The following AP2A1 variants were observed in gnomAD, a reference collection of about 807,000 sequenced individuals.
AP2A1 encodes AP-2 complex subunit alpha-1.
Under a neutral mutation model 107.3 loss-of-function variants are expected in AP2A1, and 21 were observed. The observed-to-expected ratio is 0.20, with a 90% confidence interval of 0.14 to 0.28. The LOEUF (loss-of-function observed/expected upper bound fraction) is 0.28, where lower values mean the gene tolerates loss of function less well. Ranked by LOEUF, AP2A1 falls within the 10% of genes least tolerant of loss-of-function variation. The probability of loss-of-function intolerance (pLI) is 1.00; values close to 1 mark genes in which losing one functional copy is unlikely to be tolerated. For missense variants in AP2A1, 873 were observed against 1,307.7 expected (o/e 0.67, Z 5.13); for synonymous variants, 602 against 564.8 (o/e 1.07, Z -0.93).
At chr19:49,804,281 C>T (rs745774471) in intron 18 of AP2A1, 1 of 152,186 alleles carries the variant, frequency 6.6e-6, no homozygotes, top group African/African-American at 2.4e-5. Context: ...GTGGCTCACG[C>T]CTGTAATCCT....
At chr19:49,787,886 C>T (rs2073093469) in intron 4 of AP2A1, among the ~76,000 whole-genome samples, 1 of 152,156 alleles carries the variant, frequency 6.6e-6, no homozygotes, top group South Asian at 2.1e-4. Flanking sequence ...AGTAGGTGGC[C>T]TTCTGTGTCT....
At chr19:49,783,665 G>A (rs370744478) in intron 4 of AP2A1, among the ~76,000 whole-genome samples, 6 of 152,210 alleles carry the variant, frequency 3.9e-5, no homozygotes, top group East Asian at 1.9e-4. Flanking sequence ...CAGATGAGCC[G>A]CGTGCTGGAG....
At chr19:49,780,081 C>T (rs1042506575) in intron 1 of AP2A1, among the ~76,000 whole-genome samples, 4 of 152,238 alleles carry the variant, frequency 2.6e-5, no homozygotes, top group East Asian at 1.9e-4. Flanking sequence ...CTGGGGACTA[C>T]GCCCTGAAGG....
At chr19:49,786,705 C>T (rs2084741468) in intron 4 of AP2A1, among the ~76,000 whole-genome samples, 1 of 152,306 alleles carries the variant, frequency 6.6e-6, no homozygotes, top group Non-Finnish European at 1.5e-5. Context: ...GCAAATGCTG[C>T]CAGCAGTTTC....
Position 49,806,731 on chromosome 19 carries a change from G to A in AP2A1, c.2841G>A (p.Leu947=). Residue 947 remains leucine (L), a synonymous_variant, in exon 23 of 23, where the codon CTG becomes CTA. Coordinates refer to ENST00000354293, the MANE Select transcript of AP2A1 (RefSeq NM_130787.3). ...GCAAGGAGCCCGTCTCCCGTCACCT[G>A]TGTGAGCTGCTGGCACAGCAGTTCT... ...RTSKEPVSRH[L]CELLAQQF 1 of 1,613,718 alleles carries A rather than the reference G, an allele frequency of 6.2e-7. No individual in the cohort carries two copies. Among genetic ancestry groups the A allele is most frequent in the Non-Finnish European group, 8.5e-7 (1 of 1,179,874 alleles).
intron 1 of AP2A1, among the ~76,000 whole-genome samples, chr19:49,779,336 CAA>C (rs34194805): frequency 3.5e-3 from 278 of 79,450 alleles, no homozygotes; most frequent in East Asian, 0.013. Flanking sequence ...GACTCCGTCT[CAA>C]AAAAAAAAAA....
chr19:49,787,759 C>G (rs1469426917), intron 4 of AP2A1, among the ~76,000 whole-genome samples: 3 of 152,142 alleles, frequency 2.0e-5, no homozygotes, highest in Non-Finnish European at 4.4e-5. Context: ...AAAAAAGACT[C>G]TGTACCCATT....
At chr19:49,771,374 A>G (rs1003071018) in intron 1 of AP2A1, among the ~76,000 whole-genome samples, 4 of 151,684 alleles carry the variant, frequency 2.6e-5, no homozygotes, top group African/African-American at 9.7e-5. Context: ...AACATCATGA[A>G]TGTACTAAAG....
intron 4 of AP2A1, among the ~76,000 whole-genome samples, chr19:49,787,605 T>C (rs2084757837): frequency 6.6e-6 from 1 of 151,700 alleles, no homozygotes; most frequent in Non-Finnish European, 1.5e-5. Flanking sequence ...TGCCTCAGCC[T>C]CCCAAAGTGC....
chr19:49,800,893 C>A (rs2073269912), intron 11 of AP2A1, 68 bp from the exon 12 acceptor site: 1 of 1,319,270 alleles, frequency 7.6e-7, no homozygotes, highest in East Asian at 2.5e-5. Flanking sequence ...CAGTAGGTGG[C>A]TGCACCCACC....
intron 7 of AP2A1, chr19:49,796,055 G>T: frequency 3.2e-6 from 1 of 316,010 alleles, no homozygotes; most frequent in Non-Finnish European, 6.0e-6. Flanking sequence ...GGCTTGGAGA[G>T]GGAGCTCCTG....
Position 49,795,699 on chromosome 19 carries a change from G to A in AP2A1, c.775G>A (p.Val259Met), listed in dbSNP as rs758378795. 6.4e-7 allele frequency: 1 copy of A among 1,567,144 alleles called. No homozygotes were observed. Among genetic ancestry groups the A allele is most frequent in the Non-Finnish European group, 8.6e-7 (1 of 1,156,986 alleles). Residue 259 changes from valine (V) to methionine (M), a missense_variant, in exon 7 of 23, where the codon GTG (valine) becomes ATG (methionine). This residue lies in a region of AP2A1 where 157 missense variants were observed against 212.6 expected (regional missense o/e 0.74). Transcript: ENST00000354293. ...CTTCGTCCCAGCACCCTGGCTCTCG[G>A]TGAAGCTCCTGCGGCTGCTGCAGTG... is the stretch of plus-strand genomic sequence containing the variant. ...YYFVPAPWLS[V>M]KLLRLLQCYP...
intron 4 of AP2A1, among the ~76,000 whole-genome samples, chr19:49,786,951 TG>T (rs1194168588): frequency 6.6e-6 from 1 of 152,166 alleles, no homozygotes; most frequent in Non-Finnish European, 1.5e-5. Context: ...ACTGGAAACT[TG>T]GCCTCAGCAG....
chr19:49,802,018 G>A lies in AP2A1; in HGVS notation c.1991G>A (p.Arg664Gln). ...CCCTCCGCCGACCTCCTGGGGCTGC[G>A]GGCAGCCCCTCCCCCGGCAGCACCC... Reference protein sequence around the residue: ...PSPSADLLGLRAAPPPAAPPA... With the variant: ...PSPSADLLGLQAAPPPAAPPA... Residue 664 changes from arginine (R) to glutamine (Q), a missense_variant, in exon 15 of 23, where the codon CGG becomes CAG. Transcript: ENST00000354293. 1.3e-6 allele frequency: 2 copies of A among 1,557,692 alleles called. No homozygotes were observed. The highest frequency in any genetic ancestry group is 4.7e-5 in the East Asian group (2 of 42,990).
chr19:49,783,921 CA>C (rs1325340710), intron 4 of AP2A1, among the ~76,000 whole-genome samples: 2 of 152,190 alleles, frequency 1.3e-5, no homozygotes, highest in East Asian at 3.8e-4. Flanking sequence ...CTGGGTAGTC[CA>C]AAAGCCCCTA....
intron 1 of AP2A1, among the ~76,000 whole-genome samples, chr19:49,780,473 G>A (rs2084663046): frequency 6.6e-6 from 1 of 152,164 alleles, no homozygotes; most frequent in Non-Finnish European, 1.5e-5. Flanking sequence ...GGAGGCCAGG[G>A]GGCCTGGATG....
chr19:49,801,688 C>G, intron 13 of AP2A1, 34 bp from the exon 14 acceptor site: 1 of 1,511,170 alleles, frequency 6.6e-7, no homozygotes, highest in Non-Finnish European at 8.9e-7. Context: ...CTCCTCCTGA[C>G]CCGAACTGAC....
At chr19:49,801,189 A>G in intron 12 of AP2A1, 131 bp downstream of exon 12, 1 of 1,013,886 alleles carries the variant, frequency 9.9e-7, no homozygotes, top group East Asian at 2.6e-5. Context: ...CAATCCACCT[A>G]GCAGGGTAAG....
At chr19:49,793,907 T>TC in intron 6 of AP2A1, among the ~76,000 whole-genome samples, 1 of 135,696 alleles carries the variant, frequency 7.4e-6, no homozygotes, top group Non-Finnish European at 1.6e-5. Context: ...TCTTTTTTTT[T>TC]TTTTTTTTTT....
Sources: allele counts gnomAD v4.1 joint callset (sites outside exome capture counted in the v4.1 genomes callset), GRCh38; gene constraint gnomAD v4.1.1; regional missense constraint gnomAD v4.1.1; transcripts MANE v1.5; gene names NCBI Gene and HGNC (gene_info 2026-07-23, HGNC 2026-07-21).